The following NEBL variants were observed in gnomAD, a reference collection of about 807,000 sequenced individuals.
The protein encoded by NEBL is LIM and SH3 protein 2.
NEBL carries 122 observed loss-of-function variants against 140.2 expected under a neutral mutation model. The ratio of observed to expected loss-of-function variants is 0.87; its 90% CI spans 0.75 to 1.01. NEBL has a LOEUF of 1.01. Ranked by LOEUF, NEBL falls within the 50% of genes least tolerant of loss-of-function variation. The pLI, the probability that NEBL is intolerant of heterozygous loss-of-function variation, is 0.00. For missense variants in NEBL, 1,365 were observed against 1,231.3 expected, an observed-to-expected ratio of 1.11 and a Z score of -1.62; for synonymous variants, 436 against 398.9, an observed-to-expected ratio of 1.09 and a Z score of -1.11.
chr10:21,271,525 TC>T (rs896271595), intron 1 of NEBL, among the ~76,000 whole-genome samples: 6 of 151,288 alleles, frequency 4.0e-5, no homozygotes, highest in South Asian at 2.1e-4. Flanking sequence ...AGTAAACAGA[TC>T]TTTTTTTTTT....
intron 2 of NEBL, among the ~76,000 whole-genome samples, chr10:21,169,067 A>AAAAAAAAAAAT (rs1554830679): frequency 8.7e-5 from 2 of 23,078 alleles, no homozygotes; most frequent in African/African-American, 2.6e-4. Flanking sequence ...AAAAAAAAAA[A>AAAAAAAAAAAT]ATATATATAT....
intron 7 of NEBL, among the ~76,000 whole-genome samples, chr10:20,862,391 C>T (rs566652772): frequency 7.2e-5 from 11 of 152,222 alleles, no homozygotes; most frequent in African/African-American, 1.9e-4. Context: ...AAAAAATGCA[C>T]GGACCAGACA....
intron 3 of NEBL, among the ~76,000 whole-genome samples, chr10:21,195,162 A>G (rs1215801363): frequency 6.6e-6 from 1 of 152,148 alleles, no homozygotes; most frequent in Non-Finnish European, 1.5e-5. Flanking sequence ...TATCTAGATG[A>G]CTGTCAAATC....
At chr10:21,215,308 C>A (rs927336574) in intron 3 of NEBL, among the ~76,000 whole-genome samples, 6 of 151,994 alleles carry the variant, frequency 3.9e-5, no homozygotes, top group Admixed American at 3.9e-4. Flanking sequence ...GAGCCTATCT[C>A]TTTTAAAAAG....
chr10:21,120,757 C>A (rs1838534464), intron 2 of NEBL, among the ~76,000 whole-genome samples: 1 of 145,570 alleles, frequency 6.9e-6, no homozygotes, highest in African/African-American at 2.5e-5. Context: ...CTGTGGAGAA[C>A]TAAGCCCTGC....
At chr10:20,970,991 A>T (rs1162499747) in intron 3 of NEBL, among the ~76,000 whole-genome samples, 3 of 152,346 alleles carry the variant, frequency 2.0e-5, no homozygotes, top group African/African-American at 7.2e-5. Context: ...ATGCCAAAAG[A>T]TTTGCATAAC....
chr10:21,039,746 T>C (rs1409348589), intron 2 of NEBL, among the ~76,000 whole-genome samples: 1 of 152,204 alleles, frequency 6.6e-6, no homozygotes, highest in Non-Finnish European at 1.5e-5. Flanking sequence ...CCTAGACTAA[T>C]TTTGTGTGAT....
intron 4 of NEBL, among the ~76,000 whole-genome samples, chr10:20,952,440 GAAAAA>G (rs71390801): frequency 9.8e-6 from 1 of 101,740 alleles, no homozygotes; most frequent in Non-Finnish European, 1.9e-5. Flanking sequence ...CTGTCTGAAG[GAAAAA>G]AAAAAAAAAA....
At position 20,909,525 on chromosome 10, in the gene NEBL, C is replaced by A. The variant is rs188978496; in HGVS notation, c.357+52147G>T. ...TTTCTTGTACCCAAATAGAGCCTGC[C>A]TTTTCTACATAGCTGTCTTCACACC... On this transcript the variant is annotated intron_variant, in intron 4 of 6. Coordinates refer to the NEBL transcript ENST00000417816. Among the ~76,000 whole-genome samples the A allele has an allele frequency of 8.5e-5, 13 of 152,166 alleles. 1 individual carries two copies. Among genetic ancestry groups the A allele is most frequent in the African/African-American group, 3.1e-4 (13 of 41,530 alleles).
At chr10:21,041,719 G>A (rs559004251) in intron 2 of NEBL, among the ~76,000 whole-genome samples, 63 of 152,212 alleles carry the variant, frequency 4.1e-4, no homozygotes, top group African/African-American at 1.4e-3. Flanking sequence ...GCAGAGCAGC[G>A]GCATGGGCTG....
intron 10 of NEBL, among the ~76,000 whole-genome samples, chr10:20,851,708 C>A (rs1213229899): frequency 6.6e-6 from 1 of 151,944 alleles, no homozygotes; most frequent in Non-Finnish European, 1.5e-5. Context: ...TCGCTTGAAC[C>A]CAGGAGGCAG....
chr10:21,056,576 G>A (rs1431776664), intron 2 of NEBL, among the ~76,000 whole-genome samples: 2 of 152,120 alleles, frequency 1.3e-5, no homozygotes, highest in Non-Finnish European at 2.9e-5. Context: ...CATAGAGAAC[G>A]AGCCAATCCA....
chr10:20,809,400 A>C (rs1192249602), intron 25 of NEBL, among the ~76,000 whole-genome samples: 1 of 152,212 alleles, frequency 6.6e-6, no homozygotes, highest in Non-Finnish European at 1.5e-5. Context: ...ATTTTAAGAC[A>C]TCTATGATGC....
chr10:20,803,808 G>GAAAAA (rs148789208), intron 26 of NEBL, among the ~76,000 whole-genome samples: 81 of 136,308 alleles, frequency 5.9e-4, no homozygotes, highest in Middle Eastern at 3.8e-3. Context: ...CCTTCTGTAC[G>GAAAAA]AAAAATATAT....
At chr10:20,828,471 C>T in intron 17 of NEBL, 59 bp downstream of exon 17, 3 of 1,128,856 alleles carry the variant, frequency 2.7e-6, no homozygotes, top group Non-Finnish European at 4.0e-6. Flanking sequence ...GGAAAAAAGA[C>T]CATTTCTTAC....
chr10:20,868,304 TA>T (rs1844527287), intron 7 of NEBL: 1 of 120,732 alleles, frequency 8.3e-6, no homozygotes, highest in Non-Finnish European at 1.7e-5. Context: ...ATTACTAAGT[TA>T]AAAACTGTGT....
intron 3 of NEBL, among the ~76,000 whole-genome samples, chr10:21,000,060 G>A (rs763475577): frequency 2.0e-5 from 3 of 151,548 alleles, no homozygotes; most frequent in Non-Finnish European, 2.9e-5. Context: ...CTGCTGCCAC[G>A]AACTATTGTA....
chr10:21,101,738 A>G (rs1294128652), intron 2 of NEBL, among the ~76,000 whole-genome samples: 3 of 152,228 alleles, frequency 2.0e-5, no homozygotes, highest in Non-Finnish European at 4.4e-5. Context: ...AGGAGTGTCA[A>G]GCACGCCACT....
chr10:21,079,591 A>C (rs1031289292), intron 2 of NEBL, among the ~76,000 whole-genome samples: 1 of 152,214 alleles, frequency 6.6e-6, no homozygotes, highest in Non-Finnish European at 1.5e-5. Context: ...AAACATAGGG[A>C]GGCTCAACAA....
Sources: allele counts gnomAD v4.1 joint callset (sites outside exome capture counted in the v4.1 genomes callset), GRCh38; gene constraint gnomAD v4.1.1; transcripts MANE v1.5; gene names NCBI Gene and HGNC (gene_info 2026-07-23, HGNC 2026-07-21).